RPS6KC1: variants seen among roughly 807,000 people sequenced by gnomAD.
The protein encoded by RPS6KC1 is inactive ribosomal protein S6 kinase delta-1.
In RPS6KC1, 54 loss-of-function variants were observed where a neutral mutation model predicts 103.8. That is an observed-to-expected ratio of 0.52 (90% confidence interval 0.42 to 0.65). The LOEUF (loss-of-function observed/expected upper bound fraction) is 0.65. Among genes scored for constraint, RPS6KC1 ranks in the 30% least tolerant of loss-of-function variants. The pLI is 0.00. For missense variants in RPS6KC1, 1,151 were observed against 1,253.8 expected (o/e 0.92, Z 1.24); for synonymous variants, 439 against 438.7 (o/e 1.00, Z -0.01).
chr1:213,610,216 T>C, the RPS6KC1 span, among the ~76,000 whole-genome samples: 1 of 152,204 alleles, frequency 6.6e-6, no homozygotes, highest in Admixed American at 6.5e-5. Context: ...GTTTGTTTTC[T>C]ATTTCATGCA....
At chr1:213,471,991 A>C in the RPS6KC1 span, among the ~76,000 whole-genome samples, 1 of 152,178 alleles carries the variant, frequency 6.6e-6, no homozygotes, top group Non-Finnish European at 1.5e-5. Context: ...AGGACTCAAC[A>C]GGGTGTCATT....
At chr1:213,416,507 G>A in the RPS6KC1 span, among the ~76,000 whole-genome samples, 1 of 152,232 alleles carries the variant, frequency 6.6e-6, no homozygotes, top group Non-Finnish European at 1.5e-5. Flanking sequence ...GGGAGGGCGA[G>A]TGAAAGGGTA....
the RPS6KC1 span, among the ~76,000 whole-genome samples, chr1:213,430,681 T>A: frequency 3.3e-5 from 5 of 152,234 alleles, no homozygotes; most frequent in African/African-American, 1.2e-4. Flanking sequence ...TAAAAATGTT[T>A]GTATCTGCAT....
At chr1:213,234,121 C>T (rs1251449712) in intron 10 of RPS6KC1, among the ~76,000 whole-genome samples, 1 of 151,062 alleles carries the variant, frequency 6.6e-6, no homozygotes, top group Non-Finnish European at 1.5e-5. Flanking sequence ...CTCTTGGGCT[C>T]AAGTGATCTC....
rs113176399 is a variant in RPS6KC1, at chr1:213,241,309, A to G, written c.1833A>G (p.Glu611=). The G allele has an allele frequency of 6.2e-7, 1 of 1,613,954 alleles. No individual in the cohort carries two copies. Among genetic ancestry groups the G allele is most frequent in the Non-Finnish European group, 8.5e-7 (1 of 1,179,928 alleles). ...TAGACAGTAAGGATAGCGCAAGTGA[A>G]CTCCTGGGACTTGACTTTGGAGAAA... ...FRIDSKDSAS[E]LLGLDFGEKL... The change falls in exon 11 of 15, where the codon GAA becomes GAG. Residue 611 remains glutamate (E), a synonymous_variant. Transcript: ENST00000366960.
At chr1:213,642,609 G>A in the RPS6KC1 span, among the ~76,000 whole-genome samples, 1 of 151,820 alleles carries the variant, frequency 6.6e-6, no homozygotes, top group Non-Finnish European at 1.5e-5. Flanking sequence ...TTATCTATGT[G>A]ACAAATAGTT....
the RPS6KC1 span, among the ~76,000 whole-genome samples, chr1:213,449,406 TG>T: frequency 6.6e-6 from 1 of 152,180 alleles, no homozygotes; most frequent in Non-Finnish European, 1.5e-5. Flanking sequence ...TTGGCAGGCT[TG>T]GGTTCCCCCG....
chr1:213,805,980 G>A, the RPS6KC1 span, among the ~76,000 whole-genome samples: 2 of 152,184 alleles, frequency 1.3e-5, no homozygotes, highest in African/African-American at 4.8e-5. Context: ...TTAATAAGCA[G>A]TAACATTTTG....
At chr1:213,853,068 G>C in the RPS6KC1 span, among the ~76,000 whole-genome samples, 1 of 152,042 alleles carries the variant, frequency 6.6e-6, no homozygotes, top group African/African-American at 2.4e-5. Context: ...GGAACACAAG[G>C]GGCCCAAGGC....
At chr1:213,593,598 AG>A in the RPS6KC1 span, among the ~76,000 whole-genome samples, 1 of 152,172 alleles carries the variant, frequency 6.6e-6, no homozygotes, top group Non-Finnish European at 1.5e-5. Context: ...GAAGGGCTTT[AG>A]GGAGGAGGTG....
At chr1:213,818,549 G>A in the RPS6KC1 span, 2 of 152,162 alleles carry the variant, frequency 1.3e-5, no homozygotes, top group African/African-American at 4.8e-5. Context: ...GCGGTGGTCT[G>A]GAACCAAACC....
the RPS6KC1 span, among the ~76,000 whole-genome samples, chr1:213,549,751 T>C: frequency 0.038 from 5,728 of 151,308 alleles, 340 homozygotes; most frequent in East Asian, 0.29. Context: ...AGTTACTCCC[T>C]AAACCTCAGT....
chr1:213,528,038 G>A, the RPS6KC1 span, among the ~76,000 whole-genome samples: 1 of 152,132 alleles, frequency 6.6e-6, no homozygotes, highest in African/African-American at 2.4e-5. Flanking sequence ...GAAGAAGAGG[G>A]TAGGTCTTGC....
the RPS6KC1 span, among the ~76,000 whole-genome samples, chr1:213,525,324 T>C: frequency 6.6e-6 from 1 of 152,082 alleles, no homozygotes; most frequent in African/African-American, 2.4e-5. Flanking sequence ...GACCCCAAAG[T>C]GCAAGGCTTA....
chr1:213,772,504 CT>C, the RPS6KC1 span, among the ~76,000 whole-genome samples: 1 of 152,198 alleles, frequency 6.6e-6, no homozygotes, highest in African/African-American at 2.4e-5. Context: ...ATTTGCTGAA[CT>C]GCCTTTCTAG....
chr1:213,824,610 G>A, the RPS6KC1 span, among the ~76,000 whole-genome samples: 2 of 152,162 alleles, frequency 1.3e-5, no homozygotes, highest in African/African-American at 4.8e-5. Context: ...AATCATGGGG[G>A]CAGGTCTTGT....
Position 213,242,429 on chromosome 1 carries a change from C to G in RPS6KC1, c.2821+132C>G. ...CATTATCAGTGCAGCAAATTCACCC[C>G]CAGTAATAGCTTCTAGTACTTAATG... is the stretch of plus-strand genomic sequence containing the variant. On this transcript the variant is annotated intron_variant, in intron 11 of 14. Transcript: ENST00000366960. 3 of 1,141,074 alleles carry G rather than the reference C, an allele frequency of 2.6e-6. No individual in the cohort carries two copies. In the South Asian group the frequency reaches 4.1e-5, roughly 16 times the overall value. The allele number at this position is 1,141,074 out of a possible 1,614,324, so 70.7% of individuals were successfully genotyped here. A position where few individuals can be genotyped will look rare whatever the true frequency, so the allele number is the denominator to read the frequency against.
the RPS6KC1 span, among the ~76,000 whole-genome samples, chr1:213,514,911 G>T: frequency 1.3e-5 from 2 of 152,142 alleles, no homozygotes; most frequent in African/African-American, 2.4e-5. Flanking sequence ...ACTTTTTAAT[G>T]ATCGCCATTC....
chr1:213,697,566 T>C, the RPS6KC1 span, among the ~76,000 whole-genome samples: 1 of 152,212 alleles, frequency 6.6e-6, no homozygotes, highest in African/African-American at 2.4e-5. Context: ...CTCCAGCTAC[T>C]TGAGAAGTCA....
Sources: allele counts gnomAD v4.1 joint callset (sites outside exome capture counted in the v4.1 genomes callset), GRCh38; gene constraint gnomAD v4.1.1; transcripts MANE v1.5; gene names NCBI Gene and HGNC (gene_info 2026-07-23, HGNC 2026-07-21).